The following DLGAP2 variants were observed in gnomAD, a reference collection of about 807,000 sequenced individuals.
DLGAP2 encodes the protein disks large-associated protein 2.
Under a neutral mutation model 100.3 loss-of-function variants are expected in DLGAP2, and 26 were observed. That is an observed-to-expected ratio of 0.26 (90% CI 0.19 to 0.36). DLGAP2 has a LOEUF of 0.36. Among genes scored for constraint, DLGAP2 ranks in the 10% least tolerant of loss-of-function variants. The pLI is 1.00. For synonymous variants in DLGAP2, 886 were observed against 630.1 expected (o/e 1.41, Z -6.08); for missense variants, 1,858 against 1,453.2 (o/e 1.28, Z -4.53).
At chr8:945,083 G>C (rs920964908) in intron 2 of DLGAP2, among the ~76,000 whole-genome samples, 1 of 152,218 alleles carries the variant, frequency 6.6e-6, no homozygotes, top group African/African-American at 2.4e-5. Flanking sequence ...TTCAGTTTGG[G>C]AATTCTTTGA....
At chr8:881,309 G>A (rs1797786239) in intron 1 of DLGAP2, among the ~76,000 whole-genome samples, 1 of 152,170 alleles carries the variant, frequency 6.6e-6, no homozygotes, top group South Asian at 2.1e-4. Context: ...TTATTCCTCA[G>A]TTTTATGTAG....
At chr8:898,024 G>C (rs1431709739) in intron 1 of DLGAP2, among the ~76,000 whole-genome samples, 1 of 149,076 alleles carries the variant, frequency 6.7e-6, no homozygotes, top group Non-Finnish European at 1.5e-5. Context: ...CCCGCCACGT[G>C]TGACCCTGAC....
chr8:1,366,101 C>T (rs571781050), intron 3 of DLGAP2, among the ~76,000 whole-genome samples: 2 of 152,366 alleles, frequency 1.3e-5, no homozygotes, highest in East Asian at 3.9e-4. Flanking sequence ...GAAGGCCAGA[C>T]ACTGTGCTGG....
intron 3 of DLGAP2, among the ~76,000 whole-genome samples, chr8:1,467,611 G>A (rs763964203): frequency 5.3e-5 from 8 of 152,152 alleles, no homozygotes; most frequent in South Asian, 4.1e-4. Context: ...GGGAGTGTTC[G>A]TGTCAAGTGG....
At chr8:1,491,974 C>T (rs982182857) in intron 3 of DLGAP2, among the ~76,000 whole-genome samples, 1 of 152,212 alleles carries the variant, frequency 6.6e-6, no homozygotes, top group Non-Finnish European at 1.5e-5. Context: ...TGACTGGAGC[C>T]GGGCTCCGCT....
At chr8:1,024,024 A>G (rs1801707984) in intron 2 of DLGAP2, among the ~76,000 whole-genome samples, 1 of 151,528 alleles carries the variant, frequency 6.6e-6, no homozygotes, top group South Asian at 2.1e-4. Flanking sequence ...TGTCTTCCTC[A>G]TGCCTCTGTC....
intron 3 of DLGAP2, among the ~76,000 whole-genome samples, chr8:1,335,313 G>C (rs1009070817): frequency 3.9e-5 from 6 of 152,176 alleles, no homozygotes; most frequent in Admixed American, 1.3e-4. Flanking sequence ...ACAACCTTCA[G>C]CTGGTCACTG....
chr8:1,170,751 G>T (rs1046142016), intron 2 of DLGAP2, among the ~76,000 whole-genome samples: 1 of 149,906 alleles, frequency 6.7e-6, no homozygotes, highest in African/African-American at 2.5e-5. Context: ...ATTTTTTATT[G>T]CATCTATTTG....
intron 2 of DLGAP2, among the ~76,000 whole-genome samples, chr8:1,053,219 C>A (rs1056355186): frequency 1.3e-5 from 2 of 152,116 alleles, no homozygotes; most frequent in Non-Finnish European, 2.9e-5. Flanking sequence ...AGATTCGGAA[C>A]CTTCTCTCTC....
Position 1,704,523 on chromosome 8 carries a change from G to A in DLGAP2, c.*3117G>A, listed in dbSNP as rs1799654060. 6.6e-6 allele frequency: 1 copy of A among 152,186 alleles called. No individual in the cohort carries two copies. Among genetic ancestry groups the A allele is most frequent in the South Asian group, 2.1e-4 (1 of 4,836 alleles). The allele number at this position is 152,186 out of a possible 1,614,324, so 9.4% of individuals were successfully genotyped here. On this transcript the variant is annotated 3_prime_UTR_variant, in exon 15 of 15. Coordinates refer to ENST00000637795, the MANE Select transcript of DLGAP2 (RefSeq NM_001346810.2). ...CTCTCGCATCTTCACGTGTTGTTGTGTTTGAAGTAAAACTAGTTGTTATCG... is the reference window on the plus strand; with the variant it reads ...CTCTCGCATCTTCACGTGTTGTTGTATTTGAAGTAAAACTAGTTGTTATCG...
At chr8:1,325,379 C>T (rs761059155) in intron 3 of DLGAP2, among the ~76,000 whole-genome samples, 1 of 152,234 alleles carries the variant, frequency 6.6e-6, no homozygotes, top group Non-Finnish European at 1.5e-5. Flanking sequence ...CGTCCTCCCA[C>T]CTCCAGCAGC....
intron 1 of DLGAP2, among the ~76,000 whole-genome samples, chr8:759,589 G>T (rs1027739773): frequency 1.1e-4 from 16 of 152,036 alleles, no homozygotes; most frequent in African/African-American, 3.6e-4. Context: ...TTGATGTGGG[G>T]CTCCCCCCTG....
intron 3 of DLGAP2, among the ~76,000 whole-genome samples, chr8:1,488,289 A>G (rs1799282172): frequency 6.6e-6 from 1 of 152,118 alleles, no homozygotes. Context: ...GGATTTGGCC[A>G]CAGCAGGAGG....
intron 2 of DLGAP2, among the ~76,000 whole-genome samples, chr8:1,210,390 G>A (rs545378125): frequency 6.6e-6 from 1 of 152,222 alleles, no homozygotes; most frequent in African/African-American, 2.4e-5. Flanking sequence ...TGCAGCAGGG[G>A]AACTTGAGAT....
chr8:1,506,595 G>A (rs571339251), intron 4 of DLGAP2, among the ~76,000 whole-genome samples: 1 of 152,192 alleles, frequency 6.6e-6, no homozygotes, highest in South Asian at 2.1e-4. Flanking sequence ...CACTGCCCAA[G>A]ACGATCTCAG....
chr8:1,056,765 C>G (rs1340047821), intron 2 of DLGAP2, among the ~76,000 whole-genome samples: 1 of 152,358 alleles, frequency 6.6e-6, no homozygotes, highest in Middle Eastern at 3.4e-3. Flanking sequence ...ATTTTGATCT[C>G]AGTTTCTTCA....
At chr8:796,025 A>AGGCGTCCAGTGAGAGCAGCTG in intron 1 of DLGAP2, among the ~76,000 whole-genome samples, 1 of 14,998 alleles carries the variant, frequency 6.7e-5, no homozygotes, top group Non-Finnish European at 1.4e-4. Context: ...GAGAGCAGGC[A>AGGCGTCCAGTGAGAGCAGCTG]TCCAGTGAGA....
At chr8:1,316,852 A>T (rs1297075968) in intron 3 of DLGAP2, among the ~76,000 whole-genome samples, 6 of 145,030 alleles carry the variant, frequency 4.1e-5, no homozygotes, top group Middle Eastern at 3.6e-3. Flanking sequence ...CGTCTCTCCC[A>T]CAGTGGTCTA....
intron 2 of DLGAP2, among the ~76,000 whole-genome samples, chr8:1,169,686 C>T (rs1797088741): frequency 6.6e-6 from 1 of 151,864 alleles, no homozygotes; most frequent in South Asian, 2.1e-4. Context: ...CTCTGTTTGT[C>T]TGTTGTTGGT....
Sources: allele counts gnomAD v4.1 joint callset (sites outside exome capture counted in the v4.1 genomes callset), GRCh38; gene constraint gnomAD v4.1.1; transcripts MANE v1.5; gene names NCBI Gene and HGNC (gene_info 2026-07-23, HGNC 2026-07-21).